Variants in WASHC4 observed in about 807,000 individuals in gnomAD.
WASHC4 encodes the protein WASH complex subunit 4.
WASHC4 carries 86 observed loss-of-function variants against 166.6 expected under a neutral mutation model. That is an observed-to-expected ratio of 0.52 (90% confidence interval 0.43 to 0.62). The LOEUF (loss-of-function observed/expected upper bound fraction) is 0.62. WASHC4 is among the 20% of genes least tolerant of loss of function. WASHC4 has a pLI of 0.00. For synonymous variants in WASHC4, 446 were observed against 451.6 expected, an observed-to-expected ratio of 0.99 and a Z score of 0.16; for missense variants, 1,262 against 1,382.4, an observed-to-expected ratio of 0.91 and a Z score of 1.38.
chr12:105,152,599 G>C (rs950884387), intron 26 of WASHC4, 148 bp downstream of exon 26: 1 of 659,488 alleles, frequency 1.5e-6, no homozygotes, highest in Non-Finnish European at 2.8e-6. Context: ...CCCAAAATTT[G>C]TAAGTATGAT....
intron 18 of WASHC4, 103 bp from the exon 19 acceptor site, chr12:105,142,350 C>A: frequency 1.4e-6 from 1 of 736,390 alleles, no homozygotes; most frequent in South Asian, 1.4e-5. Context: ...GGAATGCGAA[C>A]TGTGTAAGAT....
At chr12:105,128,773 GTTTTTTTTTTTGAT>G (rs1881520600) in intron 13 of WASHC4, among the ~76,000 whole-genome samples, 1 of 147,872 alleles carries the variant, frequency 6.8e-6, no homozygotes, top group Non-Finnish European at 1.5e-5. Flanking sequence ...ATTCCGTTTT[GTTTTTTTTTTTGAT>G]TTTTTTTTAG....
intron 6 of WASHC4, among the ~76,000 whole-genome samples, chr12:105,117,706 A>G (rs117102229): frequency 3.4e-3 from 522 of 152,346 alleles, no homozygotes; most frequent in Non-Finnish European, 5.4e-3. Context: ...TGATATAGCA[A>G]TGCACAACAC....
chr12:105,127,357 C>T, intron 13 of WASHC4, 68 bp downstream of exon 13: 1 of 1,074,528 alleles, frequency 9.3e-7, no homozygotes, highest in Non-Finnish European at 1.4e-6. Context: ...TATACTAACA[C>T]TTAATGTATA....
chr12:105,114,949 G>C (rs1880041336), intron 4 of WASHC4, among the ~76,000 whole-genome samples: 1 of 151,946 alleles, frequency 6.6e-6, no homozygotes, highest in Admixed American at 6.6e-5. Flanking sequence ...GACAGTGAGG[G>C]TGGTCAGATA....
rs914402661 is a variant in WASHC4, at chr12:105,140,956, C to T, written c.1618C>T (p.Leu540=). Residue 540 remains leucine, a synonymous_variant, in exon 17 of 33, where the codon CTA becomes TTA. Transcript: ENST00000332180. The stretch of plus-strand genomic sequence containing the variant: ...ACAGCGTCTTGATGTGCTCTCTGCT[C>T]TAGTTTTGGCTGAAAACACTCTAAA... ...SEQRLDVLSA[L]VLAENTLNGP... is the part of the protein sequence containing the mutation. 1 of 1,613,990 alleles carries T rather than the reference C, an allele frequency of 6.2e-7. No individual in the cohort carries two copies. Among genetic ancestry groups the T allele is most frequent in the African/African-American group, 1.3e-5 (1 of 74,932 alleles).
intron 11 of WASHC4, 48 bp downstream of exon 11, chr12:105,126,175 C>T (rs1198494703): frequency 1.9e-6 from 3 of 1,612,340 alleles, no homozygotes; most frequent in Admixed American, 3.3e-5. Context: ...ATTTGCATTT[C>T]CTTAAAAGCA....
At chr12:105,146,558 A>G in intron 23 of WASHC4, 32 bp downstream of exon 23, 1 of 1,174,966 alleles carries the variant, frequency 8.5e-7, no homozygotes, top group Non-Finnish European at 1.3e-6. Context: ...TTTTTTTTTA[A>G]TGTAGGTGGA....
At chr12:105,118,559 A>G (rs769242538) in intron 7 of WASHC4, 31 bp downstream of exon 7, 3 of 1,213,994 alleles carry the variant, frequency 2.5e-6, no homozygotes, top group Admixed American at 3.4e-5. Flanking sequence ...TTTTGCTTTT[A>G]TAATAGAGAT....
chr12:105,110,124 A>G lies in WASHC4; in HGVS notation c.62-1001A>G, dbSNP rs79104906. Among the ~76,000 whole-genome samples, 597 of 152,334 alleles carry G rather than the reference A, an allele frequency of 3.9e-3. 5 individuals carry two copies. Among genetic ancestry groups the G allele is most frequent in the African/African-American group, 0.014 (574 of 41,570 alleles). ...TTCCAAAATTGCCTAGATTAATGCT[A>G]TAATAAGACAGAAACCTTAATGAAC... On this transcript the variant is annotated intron_variant, in intron 1 of 32. Transcript: ENST00000332180.
chr12:105,156,689 T>C, intron 26 of WASHC4, 37 bp from the exon 27 acceptor site: 1 of 1,494,366 alleles, frequency 6.7e-7, no homozygotes, highest in African/African-American at 1.4e-5. Context: ...TTAGAGTTAT[T>C]TATATAAATA....
intron 23 of WASHC4, among the ~76,000 whole-genome samples, chr12:105,146,734 T>C (rs1555238545): frequency 6.6e-6 from 1 of 151,462 alleles, no homozygotes; most frequent in Non-Finnish European, 1.5e-5. Flanking sequence ...GGATTTCAGA[T>C]TTTTTTTTGG....
At chr12:105,130,870 AC>A (rs1048467437) in intron 13 of WASHC4, among the ~76,000 whole-genome samples, 8 of 151,716 alleles carry the variant, frequency 5.3e-5, no homozygotes, top group Non-Finnish European at 7.4e-5. Context: ...CTTTGTTTCA[AC>A]CCCCCATGTT....
At chr12:105,141,138 T>G (rs111578981) in intron 17 of WASHC4, 29 bp from the exon 18 acceptor site, 319 of 1,609,950 alleles carry the variant, frequency 2.0e-4, no homozygotes, top group Non-Finnish European at 2.5e-4. Context: ...GACTGCAACT[T>G]CTCTGCCTTT....
chr12:105,109,675 A>G (rs1004290806), intron 1 of WASHC4, among the ~76,000 whole-genome samples: 6 of 126,794 alleles, frequency 4.7e-5, no homozygotes, highest in Admixed American at 2.5e-4. Context: ...TTTTTTCGAG[A>G]CAAGGTCTCA....
intron 15 of WASHC4, among the ~76,000 whole-genome samples, chr12:105,139,158 C>G (rs1282783332): frequency 6.6e-6 from 1 of 151,698 alleles, no homozygotes; most frequent in East Asian, 1.9e-4. Context: ...TTTTACTCAG[C>G]ATTTTGTATT....
chr12:105,122,811 T>TTG (rs1880892022), intron 10 of WASHC4, among the ~76,000 whole-genome samples: 1 of 152,206 alleles, frequency 6.6e-6, no homozygotes, highest in African/African-American at 2.4e-5. Context: ...TCGATAAATG[T>TTG]TGTGTGTGTT....
At chr12:105,148,153 A>G (rs2464173) in intron 24 of WASHC4, 819,879 of 984,864 alleles carry the variant, frequency 0.83, 342,176 homozygotes, top group East Asian at 1. Context: ...TATACAGTGG[A>G]AAAGCATTGA....
At chr12:105,139,692 T>G (rs1175232182) in intron 15 of WASHC4, among the ~76,000 whole-genome samples, 1 of 151,788 alleles carries the variant, frequency 6.6e-6, no homozygotes, top group Non-Finnish European at 1.5e-5. Context: ...TTTTTTTTAT[T>G]GGATTGTGTG....
Sources: gnomAD v4.1 joint callset for allele counts (sites outside exome capture counted in the v4.1 genomes callset) on GRCh38, gnomAD v4.1.1 for gene constraint, MANE v1.5 for transcripts, NCBI Gene and HGNC (gene_info 2026-07-23, HGNC 2026-07-21) for gene names.